RABGAP1L: variants seen among roughly 807,000 people sequenced by gnomAD.
RABGAP1L encodes rab GTPase-activating protein 1-like.
A neutral mutation model predicts 137.7 loss-of-function variants in RABGAP1L; 63 were observed. That is an observed-to-expected ratio of 0.46 (90% CI 0.37 to 0.56). The LOEUF (loss-of-function observed/expected upper bound fraction) is 0.56. Ranked by LOEUF, RABGAP1L falls within the 20% of genes least tolerant of loss-of-function variation. RABGAP1L has a pLI of 0.00. For synonymous variants in RABGAP1L, 431 were observed against 433.7 expected, an observed-to-expected ratio of 0.99 and a Z score of 0.08; for missense variants, 1,095 against 1,244.0, an observed-to-expected ratio of 0.88 and a Z score of 1.80.
chr1:174,273,458 A>T (rs74128335), intron 8 of RABGAP1L, among the ~76,000 whole-genome samples: 7,286 of 152,076 alleles, frequency 0.048, 246 homozygotes, highest in Middle Eastern at 0.095. Context: ...AGAAATATAG[A>T]GGAAGCACTG....
At chr1:174,474,938 A>G (rs1404816332) in intron 13 of RABGAP1L, among the ~76,000 whole-genome samples, 1 of 152,132 alleles carries the variant, frequency 6.6e-6, no homozygotes, top group Non-Finnish European at 1.5e-5. Flanking sequence ...AAGCAGGGAA[A>G]GTAATATCTG....
rs756443171 is a variant in RABGAP1L, at chr1:174,629,335, C to T, written c.1711-8040C>T. On this transcript the variant is annotated intron_variant, in intron 13 of 25. Transcript: ENST00000681986. ...AATTTCATTCCTATTAGGCTGTTTA[C>T]GAGAATCTGTTCTATCTGTTGACCT... Among the ~76,000 whole-genome samples the T allele has an allele frequency of 5.7e-4, 87 of 152,142 alleles. 1 individual carries two copies. The highest frequency in any genetic ancestry group is 7.9e-4 in the Admixed American group (12 of 15,272).
In RABGAP1L at chr1:174,712,279, A is replaced by G. The variant is rs142586507; in HGVS notation, c.2169+10023A>G. 3.3e-5 allele frequency among the ~76,000 whole-genome samples: 5 copies of G among 152,310 alleles called. No individual in the cohort carries two copies. The East Asian group carries it at 5.8e-4, about 18-fold the overall frequency. Reference sequence around the variant, plus strand: ...GAAGCTTTGTTCTTTTGCTCTTTGCAGTAAATTTTGTTGCTGCTCAGTCTT... The same window carrying G: ...GAAGCTTTGTTCTTTTGCTCTTTGCGGTAAATTTTGTTGCTGCTCAGTCTT... On this transcript the variant is annotated intron_variant, in intron 17 of 25. Transcript: ENST00000681986.
In RABGAP1L at chr1:174,911,069, G is replaced by A. The variant is rs569707574; in HGVS notation, c.2341-46388G>A. On this transcript the variant is annotated intron_variant, in intron 19 of 25. Coordinates refer to ENST00000681986, the MANE Select transcript of RABGAP1L (RefSeq NM_001366446.1). ...CTAATTATGTTGAGTATCTTTTCTC[G>A]TGCTTATTAGCCATTTGTATATCTT... Among the ~76,000 whole-genome samples, 416 of 151,886 alleles carry A rather than the reference G, an allele frequency of 2.7e-3. 1 individual carries two copies. Among genetic ancestry groups the A allele is most frequent in the African/African-American group, 9.3e-3 (387 of 41,406 alleles).
intron 7 of RABGAP1L, among the ~76,000 whole-genome samples, chr1:174,253,741 A>G (rs1045756965): frequency 1.3e-5 from 2 of 152,194 alleles, no homozygotes; most frequent in African/African-American, 2.4e-5. Flanking sequence ...ACTGAAGTCA[A>G]TCAGTACTTC....
chr1:174,877,624 A>G, intron 19 of RABGAP1L: 1 of 1,604,816 alleles, frequency 6.2e-7, no homozygotes, highest in Non-Finnish European at 8.5e-7. Flanking sequence ...TGCCTTGCAC[A>G]CTACTCTGGT....
In RABGAP1L at chr1:174,602,723, T is replaced by C. The variant is rs147817323; in HGVS notation, c.1711-34652T>C. On this transcript the variant is annotated intron_variant, in intron 13 of 25. Transcript: ENST00000681986. ...TTCTTCTTCTTGATCAGTTCGACTA[T>C]TGAGAGACTGATACATTCTTCAGTG... Among the ~76,000 whole-genome samples, 1,184 of 152,274 alleles carry C rather than the reference T, an allele frequency of 7.8e-3. 11 individuals carry two copies. The highest frequency in any genetic ancestry group is 0.026 in the African/African-American group (1,092 of 41,560).
chr1:174,882,968 A>T (rs1380267969), intron 19 of RABGAP1L, among the ~76,000 whole-genome samples: 1 of 152,106 alleles, frequency 6.6e-6, no homozygotes, highest in Non-Finnish European at 1.5e-5. Context: ...GACTACAGGC[A>T]CACACCACCA....
chr1:174,800,432 G>T, intron 18 of RABGAP1L: 1 of 1,550,900 alleles, frequency 6.4e-7, no homozygotes, highest in Non-Finnish European at 8.7e-7. Flanking sequence ...GCTGGTGAAT[G>T]AGTATGCGTG....
intron 19 of RABGAP1L, among the ~76,000 whole-genome samples, chr1:174,873,259 C>T (rs996891178): frequency 6.6e-5 from 10 of 151,878 alleles, no homozygotes; most frequent in Admixed American, 2.6e-4. Context: ...TTATTAGAGA[C>T]GGGGTTTCAC....
intron 19 of RABGAP1L, among the ~76,000 whole-genome samples, chr1:174,932,481 T>C (rs1433037954): frequency 6.6e-6 from 1 of 152,134 alleles, no homozygotes; most frequent in Non-Finnish European, 1.5e-5. Context: ...ATAGAAGTGA[T>C]GCTGTTTTTC....
At position 174,991,557 on chromosome 1, in the gene RABGAP1L, T is replaced by C. The variant is rs529228800; in HGVS notation, c.*1556T>C. 6.8e-4 allele frequency: 104 copies of C among 152,294 alleles called. No homozygotes were observed. Among genetic ancestry groups the C allele is most frequent in the African/African-American group, 2.4e-3 (101 of 41,572 alleles). The allele number at this position is 152,294 out of a possible 1,614,324, so 9.4% of individuals were successfully genotyped here. ...ATCTTTTATGTTCTAAAAAGTGAAA[T>C]CCCCTTTATCTGTGTTTATATTCTC... is the stretch of plus-strand genomic sequence containing the variant. On this transcript the variant is annotated 3_prime_UTR_variant, in exon 26 of 26. Transcript: ENST00000681986.
intron 19 of RABGAP1L, among the ~76,000 whole-genome samples, chr1:174,893,395 TTAAAA>T (rs539596495): frequency 0.012 from 1,788 of 152,218 alleles, 12 homozygotes; most frequent in Non-Finnish European, 0.015. Context: ...TTTTATGCCT[TTAAAA>T]TAAAATAAAA....
intron 13 of RABGAP1L, among the ~76,000 whole-genome samples, chr1:174,579,046 C>A (rs1184263514): frequency 1.3e-5 from 2 of 152,012 alleles, no homozygotes; most frequent in African/African-American, 4.8e-5. Flanking sequence ...AATATGGAGA[C>A]CTGCTTTCCC....
chr1:174,485,198 A>G (rs1659508394), intron 13 of RABGAP1L, among the ~76,000 whole-genome samples: 1 of 152,110 alleles, frequency 6.6e-6, no homozygotes, highest in African/African-American at 2.4e-5. Context: ...TTTGTGTGCT[A>G]CAACTTTATT....
chr1:174,401,067 C>T (rs147265449), intron 13 of RABGAP1L, among the ~76,000 whole-genome samples: 1 of 152,086 alleles, frequency 6.6e-6, no homozygotes, highest in East Asian at 1.9e-4. Context: ...CAATCTGGAA[C>T]CAAGGACCAA....
chr1:174,299,575 C>A (rs768001774), intron 10 of RABGAP1L, among the ~76,000 whole-genome samples: 1 of 152,196 alleles, frequency 6.6e-6, no homozygotes, highest in Non-Finnish European at 1.5e-5. Flanking sequence ...CGGAACCAGG[C>A]AGAGAGAAAC....
At chr1:174,630,951 C>G (rs1377105316) in intron 13 of RABGAP1L, among the ~76,000 whole-genome samples, 1 of 117,474 alleles carries the variant, frequency 8.5e-6, no homozygotes, top group East Asian at 2.5e-4. Context: ...AATGTGTTTG[C>G]TCTTGCTTTT....
intron 17 of RABGAP1L, among the ~76,000 whole-genome samples, chr1:174,724,387 T>G (rs574587858): frequency 8.6e-4 from 131 of 152,316 alleles, no homozygotes; most frequent in African/African-American, 3.1e-3. Flanking sequence ...AAAAAGTGGG[T>G]GACTATCTAA....
Sources: allele counts gnomAD v4.1 joint callset (sites outside exome capture counted in the v4.1 genomes callset), GRCh38; gene constraint gnomAD v4.1.1; transcripts MANE v1.5; gene names NCBI Gene and HGNC (gene_info 2026-07-23, HGNC 2026-07-21).